RTN3: variants seen among roughly 807,000 people sequenced by gnomAD.
RTN3 encodes the protein reticulon-3.
A neutral mutation model predicts 77.8 loss-of-function variants in RTN3; 49 were observed. That is an observed-to-expected ratio of 0.63 (90% confidence interval 0.50 to 0.80). The LOEUF is 0.80. Among genes scored for constraint, RTN3 ranks in the 30% least tolerant of loss-of-function variants. RTN3 has a pLI of 0.00. For missense variants in RTN3, 1,236 were observed against 1,211.9 expected (o/e 1.02, Z -0.29); for synonymous variants, 464 against 446.9 (o/e 1.04, Z -0.48).
intron 8 of RTN3, among the ~76,000 whole-genome samples, chr11:63,756,479 G>A (rs2014387849): frequency 6.6e-6 from 1 of 152,110 alleles, no homozygotes; most frequent in African/African-American, 2.4e-5. Flanking sequence ...TTCAAGACCA[G>A]CCTGGGCAAC....
At chr11:63,718,611 T>A (rs1393358346) in intron 2 of RTN3, 91 bp from the exon 3 acceptor site, 1 of 849,872 alleles carries the variant, frequency 1.2e-6, no homozygotes, top group Non-Finnish European at 1.7e-6. Flanking sequence ...TTTATGTAAT[T>A]TAAAAAATAA....
At chr11:63,703,377 A>T (rs960879561) in intron 1 of RTN3, among the ~76,000 whole-genome samples, 1 of 152,012 alleles carries the variant, frequency 6.6e-6, no homozygotes, top group Non-Finnish European at 1.5e-5. Context: ...AGTGTTTCAT[A>T]GTTTGCATGT....
In RTN3 at chr11:63,682,365, A is replaced by G. The variant is rs1434727100; in HGVS notation, c.142+587A>G. 2.0e-5 allele frequency among the ~76,000 whole-genome samples: 3 copies of G among 151,938 alleles called. No individual in the cohort carries two copies. The South Asian group carries it at 6.2e-4, about 32-fold the overall frequency. ...TTTTGTTTTTACTGTTTTCGGCTAG[A>G]CTCCATGAATGCCGGATTTTTCTGA... is the stretch of plus-strand genomic sequence containing the variant. On this transcript the variant is annotated intron_variant, in intron 1 of 8. Transcript: ENST00000377819.
intron 3 of RTN3, among the ~76,000 whole-genome samples, chr11:63,744,465 G>A (rs143700498): frequency 2.5e-4 from 38 of 151,840 alleles, no homozygotes; most frequent in African/African-American, 8.5e-4. Context: ...ATCATCTATC[G>A]CTCCTAGGCC....
chr11:63,758,272 A>T lies in RTN3; in HGVS notation c.*71A>T. ...TAGTTATAACGTCGTTACTTGTACT[A>T]TGAAGGAAAATACTCAGTGTCAGCT... On this transcript the variant is annotated 3_prime_UTR_variant, in exon 9 of 9. Coordinates refer to ENST00000377819, the MANE Select transcript of RTN3 (RefSeq NM_001265589.2). 1 of 1,613,680 alleles carries T rather than the reference A, an allele frequency of 6.2e-7. No homozygotes were observed. The highest frequency in any genetic ancestry group is 8.5e-7 in the Non-Finnish European group (1 of 1,179,820).
chr11:63,757,948 C>T (rs543435412), intron 8 of RTN3, among the ~76,000 whole-genome samples: 1 of 152,202 alleles, frequency 6.6e-6, no homozygotes, highest in East Asian at 1.9e-4. Flanking sequence ...CCAGGCTGGT[C>T]TTCAACTCCT....
chr11:63,681,495 C>A, upstream of RTN3: 1 of 846,702 alleles, frequency 1.2e-6, no homozygotes, highest in Non-Finnish European at 1.7e-6. Context: ...TCGGCTGAGT[C>A]AGTCAGTCTG....
At chr11:63,730,629 G>A (rs1403556217) in intron 3 of RTN3, among the ~76,000 whole-genome samples, 1 of 152,014 alleles carries the variant, frequency 6.6e-6, no homozygotes, top group Non-Finnish European at 1.5e-5. Flanking sequence ...CCCTACCCTG[G>A]AGTTTTTTTG....
chr11:63,748,352 C>CTT (rs112993177), intron 3 of RTN3, among the ~76,000 whole-genome samples: 4 of 138,826 alleles, frequency 2.9e-5, no homozygotes, highest in Admixed American at 7.4e-5. Context: ...GCCCCACTCA[C>CTT]TTTTTTTTTT....
At chr11:63,721,664 T>C (rs2011820886) in intron 3 of RTN3, among the ~76,000 whole-genome samples, 2 of 152,222 alleles carry the variant, frequency 1.3e-5, no homozygotes, top group South Asian at 2.1e-4. Flanking sequence ...TAAGGTGATA[T>C]TAGGTGAGAA....
Position 63,681,655 on chromosome 11 carries a change from G to T in RTN3, c.19G>T (p.Ala7Ser), listed in dbSNP as rs749426471. 8 of 1,594,590 alleles carry T rather than the reference G, an allele frequency of 5.0e-6. No homozygotes were observed. Among genetic ancestry groups the T allele is most frequent in the Non-Finnish European group, 6.8e-6 (8 of 1,169,816 alleles). Reference protein sequence around the residue: MAEPSAATQSHSISSSS... With the variant: MAEPSASTQSHSISSSS... ...CGTAGCCATGGCGGAGCCGTCGGCG[G>T]CCACTCAGTCCCATTCCATCTCCTC... The change falls in exon 1 of 9, where the codon GCC becomes TCC. Residue 7 changes from alanine to serine, a missense_variant. Coordinates refer to ENST00000377819, the MANE Select transcript of RTN3 (RefSeq NM_001265589.2).
chr11:63,724,307 C>A (rs1183240762), intron 3 of RTN3, among the ~76,000 whole-genome samples: 1 of 149,658 alleles, frequency 6.7e-6, no homozygotes, highest in Non-Finnish European at 1.5e-5. Flanking sequence ...CTCAGCCTCC[C>A]GAGTAGCTGG....
rs1254302820 is a variant in RTN3, at chr11:63,739,282, A to G, written c.2531-10709A>G. On this transcript the variant is annotated intron_variant, in intron 3 of 8. Coordinates refer to ENST00000377819, the MANE Select transcript of RTN3 (RefSeq NM_001265589.2). The stretch of plus-strand genomic sequence containing the variant: ...ATGAAAAAAAATTAAGTGATATGAT[A>G]TTAAAGATAAAGTTGTAACCTGAAA... 2.0e-5 allele frequency among the ~76,000 whole-genome samples: 3 copies of G among 152,218 alleles called. No individual in the cohort carries two copies. The South Asian group carries it at 6.2e-4, about 31-fold the overall frequency.
At chr11:63,688,405 G>A (rs7932117) in intron 1 of RTN3, among the ~76,000 whole-genome samples, 16,629 of 152,008 alleles carry the variant, frequency 0.11, 1,027 homozygotes, top group South Asian at 0.16. Context: ...TGTGTTTTTA[G>A]TAGAGACAGG....
intron 1 of RTN3, among the ~76,000 whole-genome samples, chr11:63,700,717 C>T (rs890295939): frequency 4.6e-5 from 7 of 152,054 alleles, no homozygotes; most frequent in Non-Finnish European, 7.4e-5. Flanking sequence ...GGTCCTTCCA[C>T]CTCAGCCTCC....
intron 3 of RTN3, among the ~76,000 whole-genome samples, chr11:63,723,548 C>T (rs559716367): frequency 1.3e-5 from 2 of 151,940 alleles, no homozygotes; most frequent in East Asian, 1.9e-4. Context: ...CTCAGCCTTC[C>T]GAGTAGCTGG....
chr11:63,750,445 ACT>A, intron 4 of RTN3: 1 of 451,660 alleles, frequency 2.2e-6, no homozygotes, highest in Non-Finnish European at 3.9e-6. Context: ...TTCAAAGAAG[ACT>A]CTAAATTCTT....
At position 63,750,186 on chromosome 11, in the gene RTN3, G is replaced by T; in HGVS notation, c.2726G>T (p.Gly909Val). The change falls in exon 4 of 9, where the codon GGC (glycine) becomes GTC (valine). Residue 909 changes from glycine (G) to valine (V), a missense_variant. Around this residue, in one of 3 missense-constraint regions of RTN3, gnomAD observed 141 missense variants for 154.9 expected, o/e 0.91. Coordinates refer to ENST00000377819, the MANE Select transcript of RTN3 (RefSeq NM_001265589.2). ...VIQAVQKSEE[G>V]HPFKAYLDVD... ...CAAGCTGTACAGAAGTCAGAAGAAGGCCATCCATTCAAGTGAGTTGAAGTC... is the reference window on the plus strand; with the variant it reads ...CAAGCTGTACAGAAGTCAGAAGAAGTCCATCCATTCAAGTGAGTTGAAGTC... 1 of 1,611,640 alleles carries T rather than the reference G, an allele frequency of 6.2e-7. No homozygotes were observed. The highest frequency in any genetic ancestry group is 8.5e-7 in the Non-Finnish European group (1 of 1,178,672).
intron 3 of RTN3, among the ~76,000 whole-genome samples, chr11:63,728,513 CCTG>C (rs2134953532): frequency 6.6e-6 from 1 of 152,230 alleles, no homozygotes; most frequent in East Asian, 1.9e-4. Flanking sequence ...GCATTCTAGG[CCTG>C]CTGAGTTTTC....
Sources: gnomAD v4.1 joint callset for allele counts (sites outside exome capture counted in the v4.1 genomes callset) on GRCh38, gnomAD v4.1.1 for gene constraint, gnomAD v4.1.1 regional missense constraint, MANE v1.5 for transcripts, NCBI Gene and HGNC (gene_info 2026-07-23, HGNC 2026-07-21) for gene names.